The following CDH12 variants were observed in gnomAD, a reference collection of about 807,000 sequenced individuals.
The protein encoded by CDH12 is cadherin 12, also known as cadherin-12.
A neutral mutation model predicts 74.1 loss-of-function variants in CDH12; 41 were observed. The observed-to-expected ratio is 0.55, with a 90% CI of 0.43 to 0.72. The LOEUF is 0.72. Ranked by LOEUF, CDH12 falls within the 30% of genes least tolerant of loss-of-function variation. CDH12 has a pLI of 0.00. For synonymous variants in CDH12, 399 were observed against 355.0 expected, an observed-to-expected ratio of 1.12 and a Z score of -1.39; for missense variants, 945 against 977.2, an observed-to-expected ratio of 0.97 and a Z score of 0.44.
intron 5 of CDH12, among the ~76,000 whole-genome samples, chr5:22,005,080 A>C (rs1736858500): frequency 6.6e-6 from 1 of 151,788 alleles, no homozygotes; most frequent in South Asian, 2.1e-4. Context: ...TTGCTCTGTT[A>C]CTCAGGCTGG....
intron 3 of CDH12, among the ~76,000 whole-genome samples, chr5:22,273,864 A>G (rs1736511845): frequency 6.6e-6 from 1 of 152,166 alleles, no homozygotes; most frequent in African/African-American, 2.4e-5. Context: ...CAAAAACAGA[A>G]ATCTATAGAG....
At chr5:22,265,455 A>G (rs757055091) in intron 3 of CDH12, among the ~76,000 whole-genome samples, 12 of 152,184 alleles carry the variant, frequency 7.9e-5, no homozygotes, top group African/African-American at 1.2e-4. Flanking sequence ...GCTTGTTACT[A>G]TAATTCAGCT....
chr5:21,928,078 A>C (rs1457082805), intron 6 of CDH12, among the ~76,000 whole-genome samples: 1 of 152,122 alleles, frequency 6.6e-6, no homozygotes, highest in Non-Finnish European at 1.5e-5. Context: ...CCTAAAAAAA[A>C]AATAAAAGAA....
chr5:22,706,323 G>A (rs2126967240), intron 1 of CDH12, among the ~76,000 whole-genome samples: 1 of 151,908 alleles, frequency 6.6e-6, no homozygotes, highest in East Asian at 1.9e-4. Context: ...GCATGCTTAT[G>A]TTTTTCCATT....
At chr5:22,494,964 A>C (rs1181395408) in intron 2 of CDH12, among the ~76,000 whole-genome samples, 2 of 152,204 alleles carry the variant, frequency 1.3e-5, no homozygotes, top group African/African-American at 4.8e-5. Flanking sequence ...ATGAGACGAT[A>C]ATTAAACTAT....
chr5:21,780,453 G>T (rs1745842884), intron 11 of CDH12, among the ~76,000 whole-genome samples: 1 of 152,164 alleles, frequency 6.6e-6, no homozygotes, highest in Non-Finnish European at 1.5e-5. Context: ...GAAAGAAAGA[G>T]ACCTGCCACA....
intron 4 of CDH12, among the ~76,000 whole-genome samples, chr5:22,106,497 G>A (rs987404210): frequency 2.0e-5 from 3 of 152,038 alleles, no homozygotes; most frequent in Non-Finnish European, 4.4e-5. Context: ...TATAACAAGG[G>A]AAAATATTTA....
intron 5 of CDH12, 130 bp downstream of exon 5, chr5:22,078,316 G>T: frequency 2.7e-6 from 2 of 728,158 alleles, no homozygotes; most frequent in Non-Finnish European, 2.3e-6. Context: ...GATAAACCAG[G>T]TCTCTTGGAT....
intron 1 of CDH12, among the ~76,000 whole-genome samples, chr5:22,802,074 T>C (rs1748557461): frequency 6.6e-6 from 1 of 152,054 alleles, no homozygotes; most frequent in South Asian, 2.1e-4. Flanking sequence ...GATGCTCTCT[T>C]TGTCTATGTC....
At chr5:22,195,995 A>G (rs1436683191) in intron 4 of CDH12, among the ~76,000 whole-genome samples, 1 of 152,118 alleles carries the variant, frequency 6.6e-6, no homozygotes, top group Admixed American at 6.5e-5. Flanking sequence ...AGATGTTTAC[A>G]TAGATTTAAA....
intron 1 of CDH12, among the ~76,000 whole-genome samples, chr5:22,510,894 ATT>A (rs34007830): frequency 1.5e-4 from 21 of 143,968 alleles, no homozygotes; most frequent in Admixed American, 2.8e-4. Flanking sequence ...AACATATATA[ATT>A]TTTTTTTTTT....
intron 1 of CDH12, among the ~76,000 whole-genome samples, chr5:22,764,974 T>C (rs1052511684): frequency 6.6e-6 from 1 of 151,982 alleles, no homozygotes; most frequent in Non-Finnish European, 1.5e-5. Flanking sequence ...TCATAAAAAC[T>C]GACACTGAGG....
chr5:22,004,163 C>T (rs553903881), intron 5 of CDH12, among the ~76,000 whole-genome samples: 1 of 152,146 alleles, frequency 6.6e-6, no homozygotes, highest in Non-Finnish European at 1.5e-5. Context: ...TCTAAAACAG[C>T]CACCCATTAA....
intron 4 of CDH12, among the ~76,000 whole-genome samples, chr5:22,120,553 T>A (rs1745449081): frequency 6.6e-6 from 1 of 152,166 alleles, no homozygotes; most frequent in Non-Finnish European, 1.5e-5. Flanking sequence ...ACATTATTTT[T>A]GACATAATGA....
At chr5:22,693,454 G>A (rs1445081729) in intron 1 of CDH12, among the ~76,000 whole-genome samples, 1 of 151,966 alleles carries the variant, frequency 6.6e-6, no homozygotes, top group Non-Finnish European at 1.5e-5. Flanking sequence ...AAGAGAGAAG[G>A]GGACTTAGAT....
intron 3 of CDH12, among the ~76,000 whole-genome samples, chr5:22,371,600 A>G (rs1193997847): frequency 6.6e-6 from 1 of 152,104 alleles, no homozygotes; most frequent in East Asian, 1.9e-4. Context: ...TAACTTGTCT[A>G]AGGCTTTGAA....
At chr5:22,188,700 G>A (rs887255541) in intron 4 of CDH12, among the ~76,000 whole-genome samples, 72 of 152,064 alleles carry the variant, frequency 4.7e-4, no homozygotes, top group African/African-American at 1.7e-3. Flanking sequence ...TTATACTCTC[G>A]CTTTGGAGCT....
At position 22,326,368 on chromosome 5, in the gene CDH12, T is replaced by G. The variant is rs1002443336; in HGVS notation, c.-333+78889A>C. 2.0e-5 allele frequency among the ~76,000 whole-genome samples: 3 copies of G among 152,100 alleles called. No individual in the cohort carries two copies. The East Asian group carries it at 5.8e-4, about 30-fold the overall frequency. ...CTCCTGCCTCAGCCTCCCGAGTAGC[T>G]GGGACTACAGGCACCCGCAACCACG... On this transcript the variant is annotated intron_variant, in intron 3 of 14. Transcript: ENST00000382254.
intron 1 of CDH12, among the ~76,000 whole-genome samples, chr5:22,832,905 C>G (rs2126504264): frequency 6.6e-6 from 1 of 152,280 alleles, no homozygotes; most frequent in East Asian, 1.9e-4. Context: ...TGATATGCAT[C>G]TTCAGCGCCA....
Sources: allele counts gnomAD v4.1 joint callset (sites outside exome capture counted in the v4.1 genomes callset), GRCh38; gene constraint gnomAD v4.1.1; transcripts MANE v1.5; gene names NCBI Gene and HGNC (gene_info 2026-07-23, HGNC 2026-07-21).